The following TRPM3 variants were observed in gnomAD, a reference collection of about 807,000 sequenced individuals.
TRPM3 encodes long transient receptor potential channel 3.
Under a neutral mutation model 181.2 loss-of-function variants are expected in TRPM3, and 77 were observed. That is an observed-to-expected ratio of 0.42 (90% CI 0.35 to 0.51). TRPM3 has a LOEUF of 0.51. Ranked by LOEUF, TRPM3 falls within the 20% of genes least tolerant of loss-of-function variation. TRPM3 has a pLI of 0.01. For missense variants in TRPM3, 1,759 were observed against 2,196.7 expected (o/e 0.80, Z 3.98); for synonymous variants, 745 against 796.4 (o/e 0.94, Z 1.09).
chr9:71,144,928 T>C (rs72731791), intron 1 of TRPM3, among the ~76,000 whole-genome samples: 14,769 of 152,236 alleles, frequency 0.097, 850 homozygotes, highest in African/African-American at 0.15. Flanking sequence ...AGCCTTGGCA[T>C]GCATGTATCC....
chr9:70,784,073 G>C, intron 7 of TRPM3, 32 bp downstream of exon 7: 1 of 1,602,514 alleles, frequency 6.2e-7, no homozygotes, highest in Non-Finnish European at 8.5e-7. Context: ...CAGGCTTTAG[G>C]GTTCTTCCAT....
At chr9:70,956,296 CTT>C (rs537484746) in intron 1 of TRPM3, among the ~76,000 whole-genome samples, 82 of 97,146 alleles carry the variant, frequency 8.4e-4, no homozygotes, top group East Asian at 2.2e-3. Flanking sequence ...AGAAATACAC[CTT>C]TTTTTTTTTT....
intron 1 of TRPM3, among the ~76,000 whole-genome samples, chr9:71,342,223 T>C (rs1307343700): frequency 3.5e-5 from 5 of 141,956 alleles, no homozygotes; most frequent in Non-Finnish European, 7.7e-5. Context: ...CCAAACTTTA[T>C]GGAGAAGAAA....
At chr9:70,692,651 C>G (rs957153120) in intron 8 of TRPM3, among the ~76,000 whole-genome samples, 2 of 152,206 alleles carry the variant, frequency 1.3e-5, no homozygotes, top group African/African-American at 4.8e-5. Context: ...TCTTATTCCT[C>G]TCTATTTGCA....
At chr9:71,213,330 A>C (rs1251317073) in intron 1 of TRPM3, among the ~76,000 whole-genome samples, 1 of 151,756 alleles carries the variant, frequency 6.6e-6, no homozygotes, top group Non-Finnish European at 1.5e-5. Context: ...ATACCATCCC[A>C]GTTTGTGGGC....
chr9:70,696,276 G>A (rs1345805689), intron 8 of TRPM3, among the ~76,000 whole-genome samples: 2 of 152,218 alleles, frequency 1.3e-5, no homozygotes, highest in Non-Finnish European at 2.9e-5. Flanking sequence ...ATTAGGTTCA[G>A]GTTAGTCACG....
chr9:71,183,022 G>GT (rs2077488011), intron 1 of TRPM3, among the ~76,000 whole-genome samples: 1 of 151,930 alleles, frequency 6.6e-6, no homozygotes, highest in Admixed American at 6.6e-5. Flanking sequence ...CCAAAGTGGG[G>GT]TAAAAAAAGA....
intron 1 of TRPM3, among the ~76,000 whole-genome samples, chr9:71,298,747 A>C (rs1369950398): frequency 2.0e-5 from 3 of 152,122 alleles, no homozygotes; most frequent in Non-Finnish European, 2.9e-5. Context: ...TCTCTAGCTC[A>C]AAACAGGCCT....
At chr9:70,682,354 T>A (rs531896201) in intron 8 of TRPM3, among the ~76,000 whole-genome samples, 1 of 152,226 alleles carries the variant, frequency 6.6e-6, no homozygotes, top group South Asian at 2.1e-4. Context: ...TTATATTAGA[T>A]ATAGATGGAG....
At chr9:70,817,173 A>G (rs1238030349) in intron 6 of TRPM3, among the ~76,000 whole-genome samples, 1 of 152,250 alleles carries the variant, frequency 6.6e-6, no homozygotes, top group Non-Finnish European at 1.5e-5. Context: ...GATAAAGACT[A>G]CATATTTCTA....
chr9:71,162,199 C>CAAAAAAAAAAAAAA (rs35947110), intron 1 of TRPM3, among the ~76,000 whole-genome samples: 4 of 74,414 alleles, frequency 5.4e-5, no homozygotes, highest in Non-Finnish European at 7.4e-5. Context: ...GACTCTGTCT[C>CAAAAAAAAAAAAAA]AAAAAAAAAA....
intron 1 of TRPM3, among the ~76,000 whole-genome samples, chr9:71,361,742 C>T (rs1286195721): frequency 2.0e-5 from 3 of 152,200 alleles, no homozygotes; most frequent in Non-Finnish European, 2.9e-5. Context: ...ATGAATTATT[C>T]TGTATGAAAT....
At chr9:70,602,322 T>C (rs2132745776) in intron 20 of TRPM3, among the ~76,000 whole-genome samples, 2 of 152,314 alleles carry the variant, frequency 1.3e-5, no homozygotes, top group South Asian at 4.1e-4. Context: ...GAGAACATTA[T>C]AGAGCTGAAA....
chr9:71,343,642 T>C (rs1045352813), intron 1 of TRPM3, among the ~76,000 whole-genome samples: 4 of 152,098 alleles, frequency 2.6e-5, no homozygotes, highest in Non-Finnish European at 5.9e-5. Context: ...AGGGTAAATA[T>C]ATATTTATAT....
At chr9:71,140,448 T>C (rs1301058055) in intron 1 of TRPM3, among the ~76,000 whole-genome samples, 3 of 152,166 alleles carry the variant, frequency 2.0e-5, no homozygotes, top group Non-Finnish European at 4.4e-5. Context: ...CCTTTGTTCA[T>C]TCTCTGAATC....
intron 12 of TRPM3, among the ~76,000 whole-genome samples, chr9:70,631,759 C>T (rs908794948): frequency 2.6e-5 from 4 of 152,170 alleles, no homozygotes; most frequent in African/African-American, 7.2e-5. Flanking sequence ...TACCTCATTG[C>T]TCCTAGATTG....
rs545147805 is a variant in TRPM3 at position 71,443,154 on chromosome 9, T to C, written c.183+3499A>G. On this transcript the variant is annotated intron_variant, in intron 1 of 24. Transcript: ENST00000357533. ...GACGCAATCTCAGAAAGGAACAATT[T>C]CCAAGGAATGAATATAATTAAATAC... Among the ~76,000 whole-genome samples the C allele has an allele frequency of 2.1e-3, 316 of 152,256 alleles. 2 individuals are homozygous for C. Among genetic ancestry groups the C allele is most frequent in the African/African-American group, 7.1e-3 (296 of 41,534 alleles).
intron 1 of TRPM3, among the ~76,000 whole-genome samples, chr9:71,112,579 ATAGT>A (rs1453009168): frequency 6.6e-6 from 1 of 152,168 alleles, no homozygotes; most frequent in African/African-American, 2.4e-5. Context: ...AATCAAAAAC[ATAGT>A]TACTCATTTT....
intron 1 of TRPM3, among the ~76,000 whole-genome samples, chr9:71,129,600 G>A (rs2074250477): frequency 6.6e-6 from 1 of 152,152 alleles, no homozygotes; most frequent in Non-Finnish European, 1.5e-5. Context: ...GGTCACGTGG[G>A]TGGTAAACGG....
Sources: allele counts gnomAD v4.1 joint callset (sites outside exome capture counted in the v4.1 genomes callset), GRCh38; gene constraint gnomAD v4.1.1; transcripts MANE v1.5; gene names NCBI Gene and HGNC (gene_info 2026-07-23, HGNC 2026-07-21).